The following PRKCH variants were observed in gnomAD, a reference collection of about 807,000 sequenced individuals.
The protein encoded by PRKCH is protein kinase C eta type.
PRKCH carries 28 observed loss-of-function variants against 82.5 expected under a neutral mutation model. That is an observed-to-expected ratio of 0.34 (90% CI 0.25 to 0.47). The LOEUF is 0.47. PRKCH is among the 20% of genes least tolerant of loss of function. The probability of loss-of-function intolerance (pLI) is 1.00; values close to 1 mark genes in which losing one functional copy is unlikely to be tolerated. For synonymous variants in PRKCH, 322 were observed against 327.4 expected (o/e 0.98, Z 0.18); for missense variants, 705 against 881.8 (o/e 0.80, Z 2.54).
At chr14:61,327,640 G>A (rs1413681661) in intron 1 of PRKCH, among the ~76,000 whole-genome samples, 3 of 152,078 alleles carry the variant, frequency 2.0e-5, no homozygotes, top group Non-Finnish European at 4.4e-5. Context: ...GTCTTTCGTT[G>A]CACTCATTGC....
intron 1 of PRKCH, among the ~76,000 whole-genome samples, chr14:61,288,197 A>C (rs1381053765): frequency 1.3e-5 from 2 of 152,274 alleles, no homozygotes; most frequent in Admixed American, 6.5e-5. Context: ...TGAGCCAAAT[A>C]CACATACTCT....
chr14:61,479,718 C>A (rs1270868438), intron 9 of PRKCH, among the ~76,000 whole-genome samples: 1 of 152,184 alleles, frequency 6.6e-6, no homozygotes, highest in Non-Finnish European at 1.5e-5. Flanking sequence ...ATATTTTTAG[C>A]CCCTTGGGCC....
chr14:61,277,780 A>G (rs1021727031), intron 1 of PRKCH: 8 of 152,360 alleles, frequency 5.3e-5, no homozygotes, highest in South Asian at 2.1e-4. Flanking sequence ...TATCTAGTTT[A>G]TATACACGTT....
chr14:61,215,153 G>A (rs949840776), intron 1 of PRKCH, among the ~76,000 whole-genome samples: 1 of 152,164 alleles, frequency 6.6e-6, no homozygotes, highest in Non-Finnish European at 1.5e-5. Context: ...AGGCTGTGGT[G>A]CCAAGTTCTT....
chr14:61,297,032 A>G (rs2045412012), intron 1 of PRKCH, among the ~76,000 whole-genome samples: 1 of 152,104 alleles, frequency 6.6e-6, no homozygotes, highest in African/African-American at 2.4e-5. Context: ...TGAAGCTTGT[A>G]ATGTATTAGA....
At chr14:61,540,297 A>C (rs2043166201) in intron 12 of PRKCH, among the ~76,000 whole-genome samples, 1 of 152,252 alleles carries the variant, frequency 6.6e-6, no homozygotes, top group Non-Finnish European at 1.5e-5. Context: ...AGAGTGCGTG[A>C]ATTCTCATCA....
At chr14:61,482,449 T>A (rs1167376206) in intron 9 of PRKCH, among the ~76,000 whole-genome samples, 1 of 152,270 alleles carries the variant, frequency 6.6e-6, no homozygotes, top group Non-Finnish European at 1.5e-5. Context: ...GAGGGTTTCC[T>A]CACAGCAAAA....
chr14:61,537,635 CG>C (rs1165602840), intron 12 of PRKCH: 1 of 152,160 alleles, frequency 6.6e-6, no homozygotes, highest in Non-Finnish European at 1.5e-5. Flanking sequence ...CAAGAAATCA[CG>C]TGACTCAGGG....
chr14:61,459,835 T>C (rs1884949880), intron 9 of PRKCH, among the ~76,000 whole-genome samples: 2 of 152,234 alleles, frequency 1.3e-5, no homozygotes, highest in Non-Finnish European at 1.5e-5. Context: ...CATGATTCTG[T>C]ATTTTTAAAA....
At chr14:61,380,602 A>G (rs899521337) in intron 1 of PRKCH, among the ~76,000 whole-genome samples, 1 of 152,194 alleles carries the variant, frequency 6.6e-6, no homozygotes, top group Admixed American at 6.5e-5. Context: ...GGTATCAGGT[A>G]GGCCTTCCAG....
intron 1 of PRKCH, among the ~76,000 whole-genome samples, chr14:61,354,545 A>G (rs969219945): frequency 6.6e-6 from 1 of 151,796 alleles, no homozygotes; most frequent in African/African-American, 2.4e-5. Context: ...TGAATGCGTG[A>G]GGAACTTAAA....
At chr14:61,518,999 A>G (rs1452541628) in intron 10 of PRKCH, among the ~76,000 whole-genome samples, 4 of 152,090 alleles carry the variant, frequency 2.6e-5, no homozygotes, top group East Asian at 3.9e-4. Flanking sequence ...AAAATTTTGT[A>G]TAGCTGGACA....
At chr14:61,456,867 C>G (rs113896919) in intron 7 of PRKCH, 1 of 230,552 alleles carries the variant, frequency 4.3e-6, no homozygotes, top group Non-Finnish European at 8.7e-6. Flanking sequence ...GGAAAGCCAC[C>G]GCAGAAGGCA....
intron 2 of PRKCH, among the ~76,000 whole-genome samples, chr14:61,406,017 C>T (rs1297134334): frequency 6.6e-6 from 1 of 152,154 alleles, no homozygotes; most frequent in Non-Finnish European, 1.5e-5. Flanking sequence ...TACAGATTCT[C>T]AGGACCCAGT....
intron 2 of PRKCH, among the ~76,000 whole-genome samples, chr14:61,418,504 T>A (rs950342969): frequency 1.3e-5 from 2 of 152,224 alleles, no homozygotes; most frequent in Non-Finnish European, 2.9e-5. Context: ...AGATGTATCG[T>A]GTGGCTCTGT....
chr14:61,392,263 C>T (rs1219626448), intron 2 of PRKCH, among the ~76,000 whole-genome samples: 1 of 151,988 alleles, frequency 6.6e-6, no homozygotes, highest in African/African-American at 2.4e-5. Context: ...TTTCATTTAT[C>T]TTGGATAATT....
At chr14:61,382,955 G>A (rs977486087) in intron 1 of PRKCH, among the ~76,000 whole-genome samples, 23 of 152,194 alleles carry the variant, frequency 1.5e-4, no homozygotes, top group Non-Finnish European at 2.6e-4. Context: ...TAGAATCATG[G>A]AACATTACAG....
chr14:61,320,595 G>A (rs558099864), upstream of PRKCH, among the ~76,000 whole-genome samples: 2 of 107,576 alleles, frequency 1.9e-5, no homozygotes, highest in Non-Finnish European at 4.6e-5. Flanking sequence ...GCGAAACTCC[G>A]TCTCAAAAAC....
intron 1 of PRKCH, among the ~76,000 whole-genome samples, chr14:61,249,930 A>G (rs2044927423): frequency 6.6e-6 from 1 of 151,068 alleles, no homozygotes; most frequent in Non-Finnish European, 1.5e-5. Context: ...ACCAATGGCA[A>G]TTTACCCAAA....
Sources: allele counts gnomAD v4.1 joint callset (sites outside exome capture counted in the v4.1 genomes callset), GRCh38; gene constraint gnomAD v4.1.1; transcripts MANE v1.5; gene names NCBI Gene and HGNC (gene_info 2026-07-23, HGNC 2026-07-21).